HAUS1: variants seen among roughly 807,000 people sequenced by gnomAD.
HAUS1 encodes the protein HAUS augmin like complex subunit 1, also known as HAUS augmin-like complex subunit 1.
HAUS1 carries 25 observed loss-of-function variants against 38.6 expected under a neutral mutation model. The ratio of observed to expected loss-of-function variants is 0.65; its 90% CI spans 0.47 to 0.91. HAUS1 has a LOEUF of 0.91. Among genes scored for constraint, HAUS1 ranks in the 40% least tolerant of loss-of-function variants. The pLI is 0.00. For synonymous variants in HAUS1, 109 were observed against 112.9 expected (o/e 0.97, Z 0.22); for missense variants, 325 against 328.4 (o/e 0.99, Z 0.08).
intron 7 of HAUS1, among the ~76,000 whole-genome samples, chr18:46,125,233 C>T (rs75091910): frequency 0.013 from 1,915 of 151,638 alleles, 47 homozygotes; most frequent in African/African-American, 0.044. Flanking sequence ...ACACTCCAGC[C>T]TGCTCAACAG....
chr18:46,114,274 C>G (rs891908739), intron 2 of HAUS1, among the ~76,000 whole-genome samples: 26 of 152,220 alleles, frequency 1.7e-4, no homozygotes, highest in African/African-American at 6.3e-4. Context: ...CCTTTCTAAG[C>G]TCTGTTGCAA....
At chr18:46,125,386 T>TA (rs1912072570) in intron 7 of HAUS1, among the ~76,000 whole-genome samples, 1 of 151,906 alleles carries the variant, frequency 6.6e-6, no homozygotes, top group African/African-American at 2.4e-5. Flanking sequence ...CCGTCTCTAC[T>TA]AAAAATACAA....
At chr18:46,127,993 T>C (rs1912156086) in intron 8 of HAUS1, 82 bp from the exon 9 acceptor site, 13 of 771,328 alleles carry the variant, frequency 1.7e-5, no homozygotes, top group Non-Finnish European at 2.6e-5. Context: ...CCTTTTTTGC[T>C]TCCCTTATTT....
At chr18:46,113,151 G>A (rs1298978985) in intron 2 of HAUS1, among the ~76,000 whole-genome samples, 7 of 147,206 alleles carry the variant, frequency 4.8e-5, no homozygotes, top group East Asian at 1.9e-4. Context: ...ATCTCAGCTC[G>A]CTGCAGCCTT....
chr18:46,123,233 A>T, intron 5 of HAUS1, 66 bp from the exon 6 acceptor site: 1 of 1,127,412 alleles, frequency 8.9e-7, no homozygotes, highest in Non-Finnish European at 1.3e-6. Context: ...AGAAAAAGAA[A>T]AATATTTGAT....
At chr18:46,113,027 A>ATATATATAATATATATATTCCATATTT (rs1911708271) in intron 2 of HAUS1, among the ~76,000 whole-genome samples, 1 of 117,072 alleles carries the variant, frequency 8.5e-6, no homozygotes, top group Admixed American at 1.1e-4. Flanking sequence ...ATTCCATATT[A>ATATATATAATATATATATTCCATATTT]TATATATAAT....
intron 4 of HAUS1, 52 bp from the exon 5 acceptor site, chr18:46,122,415 A>G (rs997654871): frequency 6.3e-7 from 1 of 1,580,646 alleles, no homozygotes; most frequent in East Asian, 2.2e-5. Flanking sequence ...ATTGTACAAT[A>G]CTTTTACTGA....
chr18:46,105,550 ATGTGTGTGTGTGTGTGTG>A (rs34943742), intron 2 of HAUS1, 182 bp downstream of exon 2: 53 of 270,658 alleles, frequency 2.0e-4, no homozygotes, highest in African/African-American at 4.1e-4. Context: ...ATGTATATGT[ATGTGTGTGTGTGTGTGTG>A]TGTGTGTGTG....
At chr18:46,125,391 A>C (rs1912072683) in intron 7 of HAUS1, among the ~76,000 whole-genome samples, 1 of 152,094 alleles carries the variant, frequency 6.6e-6, no homozygotes, top group Non-Finnish European at 1.5e-5. Context: ...TCTACTAAAA[A>C]TACAAAAATT....
At chr18:46,108,249 G>A (rs1911526640) in intron 2 of HAUS1, among the ~76,000 whole-genome samples, 1 of 146,024 alleles carries the variant, frequency 6.8e-6, no homozygotes, top group African/African-American at 2.5e-5. Flanking sequence ...GACACCCTTT[G>A]TCAATTTGAG....
At chr18:46,104,475 T>G in intron 1 of HAUS1, 34 bp downstream of exon 1, 1 of 1,454,426 alleles carries the variant, frequency 6.9e-7, no homozygotes, top group African/African-American at 1.5e-5. Flanking sequence ...GTTGGCCTCC[T>G]GGAAAACGCG....
chr18:46,115,726 A>G (rs2144255854), intron 2 of HAUS1, among the ~76,000 whole-genome samples: 1 of 152,344 alleles, frequency 6.6e-6, no homozygotes, highest in South Asian at 2.1e-4. Flanking sequence ...GGTTTCTTGG[A>G]TATGATGCCA....
In HAUS1 at chr18:46,118,126, G is replaced by A. The variant is rs1911843115; in HGVS notation, c.206-55G>A. 3 of 1,575,346 alleles carry A rather than the reference G, an allele frequency of 1.9e-6. No homozygotes were observed. In the Admixed American group the frequency reaches 5.1e-5, roughly 27 times the overall value. On this transcript the variant is annotated intron_variant, in intron 2 of 8. Coordinates refer to ENST00000282058, the MANE Select transcript of HAUS1 (RefSeq NM_138443.4). ...ATGTGAATTATGTCTTGATAAAGCT[G>A]TTAAAAATTTTTAAAAAAGCAAACA...
intron 5 of HAUS1, 178 bp from the exon 6 acceptor site, chr18:46,123,121 G>A: frequency 3.8e-6 from 2 of 532,988 alleles, no homozygotes; most frequent in Non-Finnish European, 6.8e-6. Flanking sequence ...TGAGGCAGGA[G>A]AATGACATGA....
chr18:46,125,750 T>C lies in HAUS1; in HGVS notation c.745T>C (p.Ser249Pro). 1.3e-6 allele frequency: 2 copies of C among 1,598,922 alleles called. No homozygotes were observed. The highest frequency in any genetic ancestry group is 1.7e-6 in the Non-Finnish European group (2 of 1,168,444). Residue 249 changes from serine (S) to proline (P), a missense_variant, in exon 8 of 9, where the codon TCT (serine) becomes CCT (proline). Ser to Pro is a moderately conservative substitution (Grantham distance 74, BLOSUM62 -1). Transcript: ENST00000282058. ...ESYLDLMPNP[S>P]LAQVKIEEAK... The stretch of plus-strand genomic sequence containing the variant: ...GTTTTATTTTTTTTTAAAGAATCCG[T>C]CTCTTGCTCAAGTGAAAATTGAAGA...
At chr18:46,107,488 A>G (rs1911509442) in intron 2 of HAUS1, among the ~76,000 whole-genome samples, 1 of 152,242 alleles carries the variant, frequency 6.6e-6, no homozygotes, top group Admixed American at 6.6e-5. Flanking sequence ...CTAGGTATCT[A>G]GAAGAGCATT....
rs566702370 is a variant in HAUS1, at chr18:46,117,029, G to T, written c.206-1152G>T. 9.1e-4 allele frequency among the ~76,000 whole-genome samples: 139 copies of T among 152,086 alleles called. 1 individual carries two copies. Among genetic ancestry groups the T allele is most frequent in the Non-Finnish European group, 1.8e-3 (124 of 68,022 alleles). On this transcript the variant is annotated intron_variant, in intron 2 of 8. Transcript: ENST00000282058. Reference sequence around the variant, plus strand: ...TCACTAGGATGGCTATAATCAAAAAGACATATTGCAACTGTTGGAGAAGAT... The same window carrying T: ...TCACTAGGATGGCTATAATCAAAAATACATATTGCAACTGTTGGAGAAGAT...
At chr18:46,123,247 G>A in intron 5 of HAUS1, 52 bp from the exon 6 acceptor site, 1 of 1,161,196 alleles carries the variant, frequency 8.6e-7, no homozygotes, top group Non-Finnish European at 1.3e-6. Flanking sequence ...ATTTGATGGT[G>A]GTCACTTTTC....
intron 2 of HAUS1, 114 bp downstream of exon 2, chr18:46,105,482 T>C (rs1191053103): frequency 1.2e-6 from 1 of 847,888 alleles, no homozygotes; most frequent in Non-Finnish European, 1.8e-6. Context: ...CCTTTATTTT[T>C]CCCAGATTTT....
Sources: gnomAD v4.1 joint callset for allele counts (sites outside exome capture counted in the v4.1 genomes callset) on GRCh38, gnomAD v4.1.1 for gene constraint, MANE v1.5 for transcripts, NCBI Gene and HGNC (gene_info 2026-07-23, HGNC 2026-07-21) for gene names.